Variants in ZPBP observed in about 807,000 individuals in gnomAD.
The protein encoded by ZPBP is zona pellucida-binding protein 1.
In ZPBP, 26 loss-of-function variants were observed where a neutral mutation model predicts 44.8. The ratio of observed to expected loss-of-function variants is 0.58; its 90% CI spans 0.43 to 0.81. ZPBP has a LOEUF of 0.81. Ranked by LOEUF, ZPBP falls within the 30% of genes least tolerant of loss-of-function variation. The pLI is 0.00. For synonymous variants in ZPBP, 174 were observed against 153.2 expected, an observed-to-expected ratio of 1.14 and a Z score of -1.00; for missense variants, 409 against 434.0, an observed-to-expected ratio of 0.94 and a Z score of 0.51.
rs887863262 is a variant in ZPBP at position 49,958,901 on chromosome 7, CAA to C, written c.962-21281_962-21280del. ...GCATAACCGTAATCCAAAATCACAA[CAA>C]AGACATTATTTAAAAATACAGAAAA... is the stretch of plus-strand genomic sequence containing the variant. On this transcript the variant is annotated intron_variant, in intron 7 of 7. Coordinates refer to ENST00000046087, the MANE Select transcript of ZPBP (RefSeq NM_007009.3). Among the ~76,000 whole-genome samples, 13 of 152,074 alleles carry C rather than the reference CAA, an allele frequency of 8.5e-5. 1 individual carries two copies. The South Asian group carries it at 1.7e-3, about 19-fold the overall frequency.
chr7:49,944,710 G>A (rs999193493), intron 7 of ZPBP, among the ~76,000 whole-genome samples: 4 of 152,054 alleles, frequency 2.6e-5, no homozygotes, highest in African/African-American at 7.2e-5. Flanking sequence ...GGCAGCAGAC[G>A]CAATGTCTAC....
At chr7:49,931,676 A>G (rs1794448813) in intron 1 of ZPBP, among the ~76,000 whole-genome samples, 2 of 152,220 alleles carry the variant, frequency 1.3e-5, no homozygotes, top group African/African-American at 4.8e-5. Flanking sequence ...TTCTGGGGAG[A>G]AATTCAAGCC....
intron 4 of ZPBP, among the ~76,000 whole-genome samples, chr7:50,053,425 G>A (rs1800783586): frequency 6.6e-6 from 1 of 152,106 alleles, no homozygotes; most frequent in South Asian, 2.1e-4. Flanking sequence ...CCAACAATTC[G>A]AGTATGACAA....
intron 6 of ZPBP, among the ~76,000 whole-genome samples, chr7:49,986,885 G>A (rs901335318): frequency 6.6e-6 from 1 of 152,166 alleles, no homozygotes; most frequent in African/African-American, 2.4e-5. Context: ...GACTCCATAG[G>A]CCCTCTATTA....
In ZPBP at chr7:50,076,036, G is replaced by A. The variant is rs576387344; in HGVS notation, c.334+5738C>T. On this transcript the variant is annotated intron_variant, in intron 3 of 7. Coordinates refer to ENST00000046087, the MANE Select transcript of ZPBP (RefSeq NM_007009.3). The stretch of plus-strand genomic sequence containing the variant: ...ACTAGCAAACTGAATTCAACAAAAG[G>A]TTAGAAAGATCATTTATCATTACCA... Among the ~76,000 whole-genome samples the A allele has an allele frequency of 1.1e-4, 16 of 151,716 alleles. No homozygotes were observed. In the South Asian group the frequency reaches 3.3e-3, roughly 32 times the overall value.
At chr7:49,885,462 G>A (rs78589696) in intron 2 of ZPBP, among the ~76,000 whole-genome samples, 7,413 of 151,682 alleles carry the variant, frequency 0.049, 292 homozygotes, top group Middle Eastern at 0.13. Context: ...ACAGATGTAA[G>A]ATAGCAGATT....
intron 4 of ZPBP, among the ~76,000 whole-genome samples, chr7:50,040,138 T>TAAC (rs1562864287): frequency 6.6e-6 from 1 of 152,164 alleles, no homozygotes; most frequent in East Asian, 1.9e-4. Context: ...ATATCAATAA[T>TAAC]AACATTAAAT....
chr7:49,970,784 G>A (rs1340277550), intron 7 of ZPBP, among the ~76,000 whole-genome samples: 2 of 151,430 alleles, frequency 1.3e-5, no homozygotes, highest in Admixed American at 1.3e-4. Context: ...GGAAGCCTAG[G>A]TGGGTAGATG....
intron 2 of ZPBP, among the ~76,000 whole-genome samples, chr7:49,854,601 T>C (rs1448237257): frequency 1.3e-5 from 2 of 152,274 alleles, no homozygotes; most frequent in African/African-American, 4.8e-5. Context: ...TCTTTGCAGA[T>C]TCTGGATATT....
At chr7:49,909,796 G>T (rs1583816778) in intron 1 of ZPBP, among the ~76,000 whole-genome samples, 1 of 152,170 alleles carries the variant, frequency 6.6e-6, no homozygotes, top group African/African-American at 2.4e-5. Context: ...TGTCTGAACA[G>T]GGGACAAGAA....
chr7:49,905,603 T>C (rs1793042579), intron 1 of ZPBP, among the ~76,000 whole-genome samples: 2 of 152,204 alleles, frequency 1.3e-5, no homozygotes, highest in Admixed American at 1.3e-4. Flanking sequence ...TACAATACAA[T>C]AGAAAACTCT....
chr7:49,869,073 T>C (rs184280544), intron 2 of ZPBP, among the ~76,000 whole-genome samples: 254 of 152,276 alleles, frequency 1.7e-3, no homozygotes, highest in Non-Finnish European at 2.9e-3. Context: ...TTGAAACCCG[T>C]ACAAGTGAGG....
intron 1 of ZPBP, chr7:49,919,114 C>T (rs907135787): frequency 6.6e-6 from 1 of 151,740 alleles, no homozygotes; most frequent in Non-Finnish European, 1.5e-5. Context: ...CCAAAGCTAT[C>T]CTACATGGGG....
At chr7:49,900,470 A>G (rs1385345216) in intron 2 of ZPBP, among the ~76,000 whole-genome samples, 2 of 151,774 alleles carry the variant, frequency 1.3e-5, no homozygotes, top group Non-Finnish European at 3.0e-5. Flanking sequence ...AACAAAAGAG[A>G]GGACATCATT....
intron 5 of ZPBP, among the ~76,000 whole-genome samples, chr7:50,030,318 G>A (rs1352850357): frequency 6.6e-6 from 1 of 151,962 alleles, no homozygotes; most frequent in Non-Finnish European, 1.5e-5. Flanking sequence ...AGGGACCCCA[G>A]GTGAAAAGTA....
chr7:50,040,759 G>C (rs189581436), intron 4 of ZPBP, among the ~76,000 whole-genome samples: 136 of 152,256 alleles, frequency 8.9e-4, no homozygotes, highest in Non-Finnish European at 1.3e-4. Context: ...TGAGCTGCAG[G>C]AGTTTATTTT....
At chr7:49,894,098 T>G (rs1792262214) in intron 2 of ZPBP, among the ~76,000 whole-genome samples, 1 of 152,068 alleles carries the variant, frequency 6.6e-6, no homozygotes, top group South Asian at 2.1e-4. Context: ...GTTTCTAGGC[T>G]TTTTCTGGAA....
intron 1 of ZPBP, among the ~76,000 whole-genome samples, chr7:49,906,036 C>T (rs1447219190): frequency 6.6e-6 from 1 of 152,214 alleles, no homozygotes; most frequent in East Asian, 1.9e-4. Flanking sequence ...AAATAATTGA[C>T]TCCCTGTTTA....
intron 7 of ZPBP, among the ~76,000 whole-genome samples, chr7:49,951,556 T>A (rs2128661): frequency 0.035 from 5,194 of 148,112 alleles, 289 homozygotes; most frequent in African/African-American, 0.12. Flanking sequence ...TTTTTTTTTT[T>A]AAAAAGGAAA....
Sources: gnomAD v4.1 joint callset for allele counts (sites outside exome capture counted in the v4.1 genomes callset) on GRCh38, gnomAD v4.1.1 for gene constraint, MANE v1.5 for transcripts, NCBI Gene and HGNC (gene_info 2026-07-23, HGNC 2026-07-21) for gene names.